The following LMNTD1 variants were observed in gnomAD, a reference collection of about 807,000 sequenced individuals.
LMNTD1 encodes lamin tail domain-containing protein 1.
A neutral mutation model predicts 50.9 loss-of-function variants in LMNTD1; 35 were observed. The ratio of observed to expected loss-of-function variants is 0.69; its 90% confidence interval spans 0.53 to 0.91. The LOEUF (loss-of-function observed/expected upper bound fraction) is 0.91. LMNTD1 is among the 40% of genes least tolerant of loss of function. The pLI is 0.00. For synonymous variants in LMNTD1, 153 were observed against 161.9 expected, an observed-to-expected ratio of 0.94 and a Z score of 0.42; for missense variants, 470 against 475.5, an observed-to-expected ratio of 0.99 and a Z score of 0.11.
chr12:25,522,295 G>C (rs1941374471), intron 6 of LMNTD1, among the ~76,000 whole-genome samples: 1 of 151,976 alleles, frequency 6.6e-6, no homozygotes, highest in African/African-American at 2.4e-5. Flanking sequence ...TTTTTAGTGT[G>C]ATCTCCCTTA....
At chr12:25,638,406 T>C (rs1173172900) in intron 1 of LMNTD1, among the ~76,000 whole-genome samples, 1 of 152,052 alleles carries the variant, frequency 6.6e-6, no homozygotes, top group Non-Finnish European at 1.5e-5. Context: ...AGTTTATCTA[T>C]TTGCAAATAA....
chr12:25,496,549 G>C (rs1023416550), intron 9 of LMNTD1, among the ~76,000 whole-genome samples: 9 of 152,070 alleles, frequency 5.9e-5, no homozygotes, highest in African/African-American at 2.2e-4. Context: ...CCAAAAATGA[G>C]GAAATAATGT....
intron 9 of LMNTD1, among the ~76,000 whole-genome samples, chr12:25,494,858 T>C (rs1402604342): frequency 5.3e-5 from 8 of 152,120 alleles, no homozygotes; most frequent in African/African-American, 1.7e-4. Context: ...GGCAAAAACA[T>C]ATAAGATCTA....
At chr12:25,615,223 G>A (rs1343179695) in intron 1 of LMNTD1, among the ~76,000 whole-genome samples, 1 of 152,158 alleles carries the variant, frequency 6.6e-6, no homozygotes, top group African/African-American at 2.4e-5. Context: ...TGAGGTCATT[G>A]TGGGTCACAT....
intron 1 of LMNTD1, among the ~76,000 whole-genome samples, chr12:25,565,345 T>C (rs781053744): frequency 2.6e-5 from 4 of 152,188 alleles, no homozygotes; most frequent in Non-Finnish European, 4.4e-5. Context: ...TGTGTATCCA[T>C]TATCTGTTTT....
intron 1 of LMNTD1, among the ~76,000 whole-genome samples, chr12:25,584,852 A>G (rs997246327): frequency 4.6e-5 from 7 of 152,202 alleles, no homozygotes; most frequent in African/African-American, 7.2e-5. Context: ...GTGTTTTTCC[A>G]TGGCTGAAAA....
At chr12:25,582,570 T>C (rs1441943823) in intron 1 of LMNTD1, 1 of 152,184 alleles carries the variant, frequency 6.6e-6, no homozygotes, top group Admixed American at 6.5e-5. Flanking sequence ...GAATAAATTT[T>C]TGGAAGTTGC....
chr12:25,639,743 C>T (rs888388882), intron 1 of LMNTD1, among the ~76,000 whole-genome samples: 7 of 152,150 alleles, frequency 4.6e-5, no homozygotes, highest in Admixed American at 3.9e-4. Context: ...AACAGTTTGA[C>T]ATTCTGAAAG....
intron 1 of LMNTD1, among the ~76,000 whole-genome samples, chr12:25,610,947 A>C (rs766870411): frequency 1.3e-5 from 2 of 152,180 alleles, no homozygotes; most frequent in Non-Finnish European, 2.9e-5. Context: ...CAACAGTCAC[A>C]ACTGTGGGGG....
At chr12:25,602,333 C>A (rs1445189827) in intron 1 of LMNTD1, among the ~76,000 whole-genome samples, 2 of 151,954 alleles carry the variant, frequency 1.3e-5, no homozygotes, top group Non-Finnish European at 2.9e-5. Context: ...AAAACCTCAA[C>A]CTTCCTGCTG....
chr12:25,606,024 A>C (rs1317659059), intron 1 of LMNTD1, among the ~76,000 whole-genome samples: 3 of 152,168 alleles, frequency 2.0e-5, no homozygotes, highest in Non-Finnish European at 2.9e-5. Flanking sequence ...AGTGGTTTGT[A>C]GTTCTCCTTC....
intron 6 of LMNTD1, 70 bp from the exon 7 acceptor site, chr12:25,520,145 C>T (rs1382849): frequency 0.64 from 148,351 of 232,294 alleles, 50,977 homozygotes; most frequent in East Asian, 0.78. Flanking sequence ...ATGAGATATA[C>T]ATATATATAT....
chr12:25,542,887 CT>C (rs750282753), intron 4 of LMNTD1, among the ~76,000 whole-genome samples: 3 of 151,436 alleles, frequency 2.0e-5, no homozygotes, highest in Non-Finnish European at 4.4e-5. Context: ...AACTAAATCT[CT>C]AGTGATATGA....
In LMNTD1 at chr12:25,570,746, C is replaced by T. The variant is rs376131494; in HGVS notation, c.59-24192G>A. 4.6e-5 allele frequency among the ~76,000 whole-genome samples: 7 copies of T among 152,228 alleles called. No homozygotes were observed. The East Asian group carries it at 5.8e-4, about 13-fold the overall frequency. On this transcript the variant is annotated intron_variant, in intron 1 of 7. Transcript: ENST00000445693. ...TGTTCCTAGTGGATCAATAATTAGACGAATTATAGGATACTAAAAGAAACT... is the reference window on the plus strand; with the variant it reads ...TGTTCCTAGTGGATCAATAATTAGATGAATTATAGGATACTAAAAGAAACT...
intron 1 of LMNTD1, among the ~76,000 whole-genome samples, chr12:25,598,224 C>G (rs898556826): frequency 9.9e-5 from 15 of 151,880 alleles, no homozygotes; most frequent in Non-Finnish European, 1.8e-4. Flanking sequence ...CAGAATAATA[C>G]AACATATAAA....
chr12:25,529,716 T>C lies in LMNTD1; in HGVS notation c.492-2761A>G, dbSNP rs78692230. Reference sequence around the variant, plus strand: ...ACCCCCTTCTAAACATTCTCCACTTTGCTTCCAGAGCAATCTTTGTACAAT... The same window carrying C: ...ACCCCCTTCTAAACATTCTCCACTTCGCTTCCAGAGCAATCTTTGTACAAT... On this transcript the variant is annotated intron_variant, in intron 4 of 9. Transcript: ENST00000458174. 6.3e-3 allele frequency among the ~76,000 whole-genome samples: 964 copies of C among 152,298 alleles called. 3 individuals are homozygous for C. The highest frequency in any genetic ancestry group is 7.7e-3 in the South Asian group (37 of 4,824).
At chr12:25,539,921 C>T (rs1209356506) in intron 4 of LMNTD1, among the ~76,000 whole-genome samples, 1 of 151,694 alleles carries the variant, frequency 6.6e-6, no homozygotes, top group African/African-American at 2.4e-5. Flanking sequence ...GGAATACAAA[C>T]TACCATCAGA....
intron 1 of LMNTD1, among the ~76,000 whole-genome samples, chr12:25,596,364 A>C (rs1313528265): frequency 6.6e-6 from 1 of 152,152 alleles, no homozygotes; most frequent in Non-Finnish European, 1.5e-5. Flanking sequence ...CATATCAAAA[A>C]GATAATCCAC....
At chr12:25,518,505 T>C (rs975883746) in intron 8 of LMNTD1, among the ~76,000 whole-genome samples, 1 of 152,206 alleles carries the variant, frequency 6.6e-6, no homozygotes, top group East Asian at 1.9e-4. Context: ...TGTTTTTTCA[T>C]TGAACTTCAA....
Sources: allele counts gnomAD v4.1 joint callset (sites outside exome capture counted in the v4.1 genomes callset), GRCh38; gene constraint gnomAD v4.1.1; transcripts MANE v1.5; gene names NCBI Gene and HGNC (gene_info 2026-07-23, HGNC 2026-07-21).